Variants in RFX4 observed in about 807,000 individuals in gnomAD.
RFX4 encodes regulatory factor X4, also known as transcription factor RFX4.
A neutral mutation model predicts 95.0 loss-of-function variants in RFX4; 10 were observed. That is an observed-to-expected ratio of 0.11 (90% CI 0.06 to 0.18). The LOEUF (loss-of-function observed/expected upper bound fraction) is 0.18. RFX4 is among the 10% of genes least tolerant of loss of function. RFX4 has a pLI of 1.00. For missense variants in RFX4, 640 were observed against 922.0 expected (o/e 0.69, Z 3.96); for synonymous variants, 321 against 340.7 (o/e 0.94, Z 0.64).
intron 4 of RFX4, among the ~76,000 whole-genome samples, chr12:106,664,259 G>A (rs10861643): frequency 0.2 from 31,026 of 151,690 alleles, 3,475 homozygotes; most frequent in South Asian, 0.28. Context: ...TATTCTGTCT[G>A]TTTCTTTCTG....
intron 4 of RFX4, among the ~76,000 whole-genome samples, chr12:106,671,098 A>C (rs1359552682): frequency 1.3e-5 from 2 of 152,180 alleles, no homozygotes; most frequent in African/African-American, 2.4e-5. Flanking sequence ...ATGACCCCTG[A>C]AGTAAGACCC....
intron 15 of RFX4, among the ~76,000 whole-genome samples, chr12:106,741,002 G>A (rs554363333): frequency 6.6e-6 from 1 of 152,276 alleles, no homozygotes; most frequent in South Asian, 2.1e-4. Flanking sequence ...GGAAGAGAGT[G>A]GCAGGAGAGG....
intron 11 of RFX4, among the ~76,000 whole-genome samples, chr12:106,716,142 G>A (rs1055910739): frequency 6.6e-6 from 1 of 152,130 alleles, no homozygotes; most frequent in Non-Finnish European, 1.5e-5. Flanking sequence ...GAGAAGGCCA[G>A]AGAACAACAT....
chr12:106,701,875 G>A (rs2041998318), intron 8 of RFX4, among the ~76,000 whole-genome samples: 1 of 152,086 alleles, frequency 6.6e-6, no homozygotes, highest in Non-Finnish European at 1.5e-5. Context: ...AAATTAGCTG[G>A]GTATAGTGGC....
rs60975691 is a variant in RFX4 at position 106,669,839 on chromosome 12, G to GGTGTGT, written c.316-12119_316-12114dup. ...GATTTCACACCAGGTTTTTTCTAGG[G>GGTGTGT]GTGTGTGTGTGTGTGTGTGTGTGTG... On this transcript the variant is annotated intron_variant, in intron 4 of 17. Transcript: ENST00000392842. 7.7e-3 allele frequency among the ~76,000 whole-genome samples: 1,106 copies of GGTGTGT among 143,226 alleles called. 16 individuals carry two copies. Among genetic ancestry groups the GGTGTGT allele is most frequent in the East Asian group, 0.022 (104 of 4,834 alleles). 94.0% of individuals were successfully genotyped at this position (143,226 alleles called of 152,430 possible).
intron 1 of RFX4, chr12:106,585,659 TC>T (rs1345734597): frequency 1.3e-5 from 2 of 152,090 alleles, no homozygotes; most frequent in Non-Finnish European, 2.9e-5. Context: ...AGACGCGCGC[TC>T]CATGGAGCAG....
chr12:106,644,393 C>T (rs12308607), intron 3 of RFX4, among the ~76,000 whole-genome samples: 1,681 of 152,150 alleles, frequency 0.011, 35 homozygotes, highest in African/African-American at 0.039. Flanking sequence ...ACCGCCACAT[C>T]CAGCTAATTT....
At chr12:106,726,905 G>T (rs538100242) in intron 13 of RFX4, among the ~76,000 whole-genome samples, 51 of 152,168 alleles carry the variant, frequency 3.4e-4, no homozygotes, top group African/African-American at 1.2e-3. Context: ...CCAAGTAGCT[G>T]GGATTACAGG....
chr12:106,659,232 G>A (rs925942576), intron 4 of RFX4, among the ~76,000 whole-genome samples: 3 of 151,990 alleles, frequency 2.0e-5, no homozygotes, highest in African/African-American at 4.8e-5. Flanking sequence ...CCCAGCTGGG[G>A]TCTGGCTATC....
Position 106,749,775 on chromosome 12 carries a change from G to A in RFX4, c.1797-880G>A, listed in dbSNP as rs148590225. Among the ~76,000 whole-genome samples, 905 of 152,212 alleles carry A rather than the reference G, an allele frequency of 5.9e-3. 10 individuals are homozygous for A. Among genetic ancestry groups the A allele is most frequent in the African/African-American group, 0.021 (853 of 41,518 alleles). On this transcript the variant is annotated intron_variant, in intron 16 of 17. Transcript: ENST00000392842. ...CATTTTTATGGATGTGAGAAACAGG[G>A]TCATGAAAGTCACACAGCTAGAAAG... is the stretch of plus-strand genomic sequence containing the variant.
chr12:106,697,197 A>ATAGT (rs1357986979), intron 8 of RFX4, among the ~76,000 whole-genome samples: 15 of 152,240 alleles, frequency 9.9e-5, no homozygotes, highest in Admixed American at 2.0e-4. Context: ...AGTCTCCCTC[A>ATAGT]TAGTTCCTCT....
intron 8 of RFX4, among the ~76,000 whole-genome samples, chr12:106,707,389 C>T (rs914203102): frequency 2.6e-5 from 4 of 151,812 alleles, no homozygotes; most frequent in South Asian, 2.1e-4. Context: ...ATAAACTACC[C>T]GGGGAAGGAA....
chr12:106,748,200 G>C (rs2042930624), intron 16 of RFX4, among the ~76,000 whole-genome samples: 1 of 152,186 alleles, frequency 6.6e-6, no homozygotes, highest in African/African-American at 2.4e-5. Flanking sequence ...CTGAGCAAAT[G>C]TCTGACTCCA....
intron 2 of RFX4, among the ~76,000 whole-genome samples, chr12:106,636,440 G>A (rs2040514731): frequency 6.6e-6 from 1 of 151,790 alleles, no homozygotes; most frequent in African/African-American, 2.4e-5. Flanking sequence ...GATCCAGGTG[G>A]CTACACTGGG....
intron 4 of RFX4, among the ~76,000 whole-genome samples, chr12:106,671,723 A>G (rs1178889015): frequency 6.6e-6 from 1 of 152,064 alleles, no homozygotes; most frequent in East Asian, 1.9e-4. Flanking sequence ...GTGCAGTGGC[A>G]TGATCTTGGC....
intron 2 of RFX4, among the ~76,000 whole-genome samples, chr12:106,617,935 C>G (rs2040105876): frequency 6.6e-6 from 1 of 152,108 alleles, no homozygotes; most frequent in Non-Finnish European, 1.5e-5. Flanking sequence ...CCATGTTGGC[C>G]AGGGTGGTCT....
intron 17 of RFX4, among the ~76,000 whole-genome samples, chr12:106,758,898 G>A (rs1017165280): frequency 2.0e-5 from 3 of 152,212 alleles, no homozygotes; most frequent in African/African-American, 7.2e-5. Context: ...TTTCTCATCT[G>A]TACAACATGG....
chr12:106,734,314 T>C (rs2042668704), intron 15 of RFX4, among the ~76,000 whole-genome samples: 1 of 152,028 alleles, frequency 6.6e-6, no homozygotes, highest in South Asian at 2.1e-4. Context: ...AAATGGTTTA[T>C]ACTGGGCGTG....
intron 2 of RFX4, among the ~76,000 whole-genome samples, chr12:106,634,514 A>T (rs2040475041): frequency 6.6e-6 from 1 of 152,194 alleles, no homozygotes; most frequent in South Asian, 2.1e-4. Context: ...AGGGATTATT[A>T]TTATCCTCCA....
Sources: gnomAD v4.1 joint callset for allele counts (sites outside exome capture counted in the v4.1 genomes callset) on GRCh38, gnomAD v4.1.1 for gene constraint, MANE v1.5 for transcripts, NCBI Gene and HGNC (gene_info 2026-07-23, HGNC 2026-07-21) for gene names.